NOD1: variants seen among roughly 807,000 people sequenced by gnomAD.
NOD1 encodes the protein nucleotide binding oligomerization domain containing 1.
NOD1 carries 70 observed loss-of-function variants against 81.2 expected under a neutral mutation model. The observed-to-expected ratio is 0.86, with a 90% confidence interval of 0.71 to 1.05. The LOEUF (loss-of-function observed/expected upper bound fraction) is 1.05. Ranked by LOEUF, NOD1 falls within the 50% of genes least tolerant of loss-of-function variation. The probability of loss-of-function intolerance (pLI) is 0.00; values close to 1 mark genes in which losing one functional copy is unlikely to be tolerated. For synonymous variants in NOD1, 508 were observed against 526.9 expected (o/e 0.96, Z 0.49); for missense variants, 1,233 against 1,228.0 (o/e 1.00, Z -0.06).
At chr7:30,473,700 A>C (rs553043713) in intron 1 of NOD1, among the ~76,000 whole-genome samples, 2 of 152,260 alleles carry the variant, frequency 1.3e-5, no homozygotes, top group South Asian at 4.2e-4. Context: ...GTTTCCAGAA[A>C]TATGGCCCTA....
chr7:30,456,780 C>CA lies in NOD1; in HGVS notation c.141dup (p.Asp48Ter). On this transcript the variant is annotated frameshift_variant, in exon 4 of 14. Coordinates refer to ENST00000222823, the MANE Select transcript of NOD1 (RefSeq NM_006092.4). LOFTEE classifies it high-confidence loss of function. Reference sequence around the variant, plus strand: ...TCCGCATCTTCGGCCGAGAAGTAGTCATTCTTCAGCAAGTTGTCCACCAGA... The same window carrying CA: ...TCCGCATCTTCGGCCGAGAAGTAGTCAATTCTTCAGCAAGTTGTCCACCAGA... 6.2e-7 allele frequency: 1 copy of CA among 1,614,180 alleles called. No individual in the cohort carries two copies. Among genetic ancestry groups the CA allele is most frequent in the Non-Finnish European group, 8.5e-7 (1 of 1,180,040 alleles).
Position 30,429,373 on chromosome 7 carries a change from C to T in NOD1, c.2789+1G>A. The T allele has an allele frequency of 6.2e-7, 1 of 1,613,278 alleles. No homozygotes were observed. The highest frequency in any genetic ancestry group is 8.5e-7 in the Non-Finnish European group (1 of 1,179,144). On this transcript the variant is annotated splice_donor_variant, in intron 13 of 13. Coordinates refer to ENST00000222823, the MANE Select transcript of NOD1 (RefSeq NM_006092.4). LOFTEE classifies it high-confidence loss of function. ...TACTGTGACAAACGCTGGGATCTTA[C>T]CAAATCTCTGTTATGCCAGTGTTGC...
At chr7:30,439,532 A>G (rs1784713916) in intron 9 of NOD1, among the ~76,000 whole-genome samples, 1 of 112,958 alleles carries the variant, frequency 8.9e-6, no homozygotes, top group Admixed American at 8.7e-5. Flanking sequence ...CCACCCGAAT[A>G]TTGCGCTTTT....
At chr7:30,472,286 C>T (rs1788354385) in intron 1 of NOD1, among the ~76,000 whole-genome samples, 2 of 152,170 alleles carry the variant, frequency 1.3e-5, no homozygotes, top group African/African-American at 4.8e-5. Context: ...CCACACCAGC[C>T]ACTCAACACA....
intron 3 of NOD1, among the ~76,000 whole-genome samples, chr7:30,458,485 C>T (rs1786641451): frequency 6.6e-6 from 1 of 152,160 alleles, no homozygotes; most frequent in Non-Finnish European, 1.5e-5. Flanking sequence ...CAGTGGTTCT[C>T]AATTTTTTTT....
At chr7:30,476,886 C>T (rs981459564) in intron 1 of NOD1, among the ~76,000 whole-genome samples, 2 of 152,202 alleles carry the variant, frequency 1.3e-5, no homozygotes, top group Non-Finnish European at 2.9e-5. Flanking sequence ...AGACATTCTC[C>T]CTCATAGTGG....
chr7:30,453,977 C>T (rs1427812832), intron 5 of NOD1, among the ~76,000 whole-genome samples: 1 of 152,182 alleles, frequency 6.6e-6, no homozygotes, highest in Non-Finnish European at 1.5e-5. Flanking sequence ...ACGGAACCAA[C>T]AGAGAAGTCT....
intron 12 of NOD1, among the ~76,000 whole-genome samples, chr7:30,430,197 A>AAATAGTTCTCATG (rs1027862139): frequency 2.5e-4 from 38 of 152,206 alleles, no homozygotes; most frequent in Admixed American, 9.2e-4. Flanking sequence ...TGCTGCCATG[A>AAATAGTTCTCATG]AATAGTTCTC....
chr7:30,475,283 G>A (rs1329192567), intron 1 of NOD1, among the ~76,000 whole-genome samples: 6 of 152,192 alleles, frequency 3.9e-5, no homozygotes, highest in African/African-American at 7.2e-5. Context: ...TGGTGGCAAT[G>A]ACAGAACAGA....
chr7:30,437,519 A>T, intron 10 of NOD1, 54 bp downstream of exon 10: 1 of 1,201,316 alleles, frequency 8.3e-7, no homozygotes, highest in Non-Finnish European at 1.1e-6. Context: ...CAGCAAACCT[A>T]GAGCAGCTGG....
chr7:30,447,192 T>C (rs1785200390), intron 7 of NOD1, 142 bp from the exon 8 acceptor site: 3 of 1,433,552 alleles, frequency 2.1e-6, no homozygotes, highest in Non-Finnish European at 2.9e-6. Flanking sequence ...TTTAGGGCTC[T>C]GAGGTCTCAC....
chr7:30,434,990 C>CG (rs1266681483), intron 11 of NOD1, among the ~76,000 whole-genome samples: 1 of 151,646 alleles, frequency 6.6e-6, no homozygotes, highest in Non-Finnish European at 1.5e-5. Context: ...AGGCTAGTCT[C>CG]GAACTCTTGG....
In NOD1 at chr7:30,452,562, G is replaced by C. The variant is rs770912543; in HGVS notation, c.855C>G (p.Gly285=). 1.2e-6 allele frequency: 2 copies of C among 1,613,266 alleles called. No homozygotes were observed. The highest frequency in any genetic ancestry group is 1.7e-6 in the Non-Finnish European group (2 of 1,179,988). ...FPHVALFTFD[G]LDELHSDLDL... ...CCAAGTCCGAGTGCAGCTCGTCCAGGCCATCGAAGGTGAAGAGGGCCACGT... is the reference window on the plus strand; with the variant it reads ...CCAAGTCCGAGTGCAGCTCGTCCAGCCCATCGAAGGTGAAGAGGGCCACGT... Residue 285 remains glycine (G), a synonymous_variant, in exon 6 of 14, where the codon GGC becomes GGG. Coordinates refer to ENST00000222823, the MANE Select transcript of NOD1 (RefSeq NM_006092.4).
chr7:30,439,321 T>G (rs1182016986), intron 9 of NOD1, among the ~76,000 whole-genome samples: 1 of 140,132 alleles, frequency 7.1e-6, no homozygotes, highest in Non-Finnish European at 1.5e-5. Flanking sequence ...AGACGGGTGA[T>G]TTCTGCATTT....
chr7:30,469,902 C>T (rs1295640663), intron 1 of NOD1, among the ~76,000 whole-genome samples: 1 of 152,226 alleles, frequency 6.6e-6, no homozygotes, highest in African/African-American at 2.4e-5. Context: ...TCCATCCCCC[C>T]AGCGGGGATG....
At chr7:30,454,565 A>G (rs1197533269) in intron 5 of NOD1, among the ~76,000 whole-genome samples, 1 of 152,244 alleles carries the variant, frequency 6.6e-6, no homozygotes, top group Admixed American at 6.5e-5. Flanking sequence ...TAGTTTGGAA[A>G]TAAGGACTGG....
In NOD1 at chr7:30,446,124, C is replaced by G; in HGVS notation, c.2453+17G>C. 6.3e-7 allele frequency: 1 copy of G among 1,597,952 alleles called. No individual in the cohort carries two copies. Among genetic ancestry groups the G allele is most frequent in the South Asian group, 1.1e-5 (1 of 90,774 alleles). On this transcript the variant is annotated intron_variant, in intron 9 of 13. Transcript: ENST00000222823. Reference sequence around the variant, plus strand: ...CACAGCAGGTTGTACCACATACATCCATCCCCTTCTACTCACCCAACCTCA... The same window carrying G: ...CACAGCAGGTTGTACCACATACATCGATCCCCTTCTACTCACCCAACCTCA...
At chr7:30,472,170 C>G (rs915470233) in intron 1 of NOD1, among the ~76,000 whole-genome samples, 1 of 152,230 alleles carries the variant, frequency 6.6e-6, no homozygotes, top group African/African-American at 2.4e-5. Flanking sequence ...AAGCTTCCCT[C>G]CGCACTTCAG....
At position 30,436,087 on chromosome 7, in the gene NOD1, A is replaced by G. The variant is rs749334407; in HGVS notation, c.2538-6T>C. ...AGATGCCGTTGGACGCAAGACTAGGAAGGAACACACTTGGGGTGAATTATT... is the reference window on the plus strand; with the variant it reads ...AGATGCCGTTGGACGCAAGACTAGGGAGGAACACACTTGGGGTGAATTATT... On this transcript the variant is annotated splice_region_variant and splice_polypyrimidine_tract_variant and intron_variant, in intron 10 of 13. Transcript: ENST00000222823. The G allele has an allele frequency of 1.9e-6, 3 of 1,610,668 alleles. No homozygotes were observed. Among genetic ancestry groups the G allele is most frequent in the Non-Finnish European group, 2.5e-6 (3 of 1,176,820 alleles).
Sources: gnomAD v4.1 joint callset for allele counts (sites outside exome capture counted in the v4.1 genomes callset) on GRCh38, gnomAD v4.1.1 for gene constraint, MANE v1.5 for transcripts, NCBI Gene and HGNC (gene_info 2026-07-23, HGNC 2026-07-21) for gene names.